Variants in AQP7B observed in about 807,000 individuals in gnomAD.
AQP7B encodes the protein aquaporin 7B.
At chr2:94,592,099 C>G in the AQP7B span, among the ~76,000 whole-genome samples, 1 of 152,122 alleles carries the variant, frequency 6.6e-6, no homozygotes, top group Non-Finnish European at 1.5e-5. Flanking sequence ...GAGGAAGGAG[C>G]CAGGCTTCCA....
chr2:94,594,205 G>T, the AQP7B span, among the ~76,000 whole-genome samples: 1 of 152,062 alleles, frequency 6.6e-6, no homozygotes, highest in Non-Finnish European at 1.5e-5. Context: ...CTTCATTTTT[G>T]ACAGAACCTG....
At chr2:94,604,504 C>A in the AQP7B span, 3 of 1,610,660 alleles carry the variant, frequency 1.9e-6, no homozygotes, top group East Asian at 2.2e-5. Flanking sequence ...TCTCCGTGAG[C>A]CTTGCCAACA....
chr2:94,603,937 C>T, the AQP7B span: 1 of 1,247,220 alleles, frequency 8.0e-7, no homozygotes. Flanking sequence ...CAGGTACTGC[C>T]CCTGCCCAGG....
At chr2:94,603,874 G>T in the AQP7B span, 2 of 1,391,306 alleles carry the variant, frequency 1.4e-6, no homozygotes, top group Non-Finnish European at 2.0e-6. Flanking sequence ...TCCATCCCGG[G>T]ACCCGCCCCC....
the AQP7B span, among the ~76,000 whole-genome samples, chr2:94,600,235 C>T: frequency 1.2e-4 from 19 of 152,102 alleles, no homozygotes; most frequent in Non-Finnish European, 2.5e-4. Context: ...GACTTCGGCC[C>T]TTATGTCTAC....
the AQP7B span, among the ~76,000 whole-genome samples, chr2:94,596,962 A>T: frequency 3.2e-4 from 48 of 152,258 alleles, no homozygotes; most frequent in South Asian, 6.2e-4. Flanking sequence ...GGCCTCCCAA[A>T]GTGCTGGGAT....
the AQP7B span, among the ~76,000 whole-genome samples, chr2:94,597,883 G>C: frequency 2.8e-4 from 42 of 152,206 alleles, no homozygotes; most frequent in Non-Finnish European, 3.8e-4. Flanking sequence ...GGGATTACAG[G>C]CATGAGTCAC....
the AQP7B span, among the ~76,000 whole-genome samples, chr2:94,598,351 G>T: frequency 1.2e-4 from 18 of 152,220 alleles, no homozygotes; most frequent in African/African-American, 3.9e-4. Flanking sequence ...AGCTTCCAGG[G>T]GTGTTGCCCT....
chr2:94,588,310 G>T, the AQP7B span, among the ~76,000 whole-genome samples: 2 of 151,902 alleles, frequency 1.3e-5, no homozygotes, highest in Non-Finnish European at 2.9e-5. Context: ...CATGGGTGGG[G>T]TGGGGCTCCA....
At chr2:94,598,692 C>A in the AQP7B span, among the ~76,000 whole-genome samples, 1 of 152,224 alleles carries the variant, frequency 6.6e-6, no homozygotes, top group Non-Finnish European at 1.5e-5. Flanking sequence ...TTCTTCAAAA[C>A]CAAGTTATCT....
At chr2:94,590,050 C>T in the AQP7B span, among the ~76,000 whole-genome samples, 1 of 152,246 alleles carries the variant, frequency 6.6e-6, no homozygotes, top group Admixed American at 6.5e-5. Flanking sequence ...CCTGAGCTCC[C>T]CCAGTCCCAG....
At chr2:94,593,732 C>A in the AQP7B span, among the ~76,000 whole-genome samples, 1 of 151,940 alleles carries the variant, frequency 6.6e-6, no homozygotes, top group Non-Finnish European at 1.5e-5. Context: ...GTGATCTGCC[C>A]ACCTTGGCCT....
At chr2:94,603,549 G>C in the AQP7B span, 24 of 1,559,436 alleles carry the variant, frequency 1.5e-5, no homozygotes, top group Non-Finnish European at 2.1e-5. Context: ...CCACCCCTCA[G>C]GACAGAGCCA....
At chr2:94,592,012 G>C in the AQP7B span, among the ~76,000 whole-genome samples, 1 of 152,162 alleles carries the variant, frequency 6.6e-6, no homozygotes, top group Non-Finnish European at 1.5e-5. Flanking sequence ...AGGCATAGTG[G>C]ATTCAAGAAA....
the AQP7B span, among the ~76,000 whole-genome samples, chr2:94,594,139 C>T: frequency 6.6e-6 from 1 of 152,242 alleles, no homozygotes; most frequent in Non-Finnish European, 1.5e-5. Context: ...CTCACTCTCT[C>T]ACAAACCTCT....
chr2:94,595,484 G>T, the AQP7B span, among the ~76,000 whole-genome samples: 1 of 152,068 alleles, frequency 6.6e-6, no homozygotes, highest in East Asian at 1.9e-4. Flanking sequence ...AGAGAAACTT[G>T]ATGATTGGGC....
At chr2:94,604,358 T>C in the AQP7B span, 1 of 1,611,296 alleles carries the variant, frequency 6.2e-7, no homozygotes, top group Non-Finnish European at 8.5e-7. Flanking sequence ...TGGCATCATC[T>C]ACCTGGTCTT....
chr2:94,587,874 G>T, the AQP7B span, among the ~76,000 whole-genome samples: 2 of 152,180 alleles, frequency 1.3e-5, no homozygotes, highest in East Asian at 3.9e-4. Context: ...AGCAGTCAGG[G>T]CTGGAGATAA....
chr2:94,592,399 C>T, the AQP7B span, among the ~76,000 whole-genome samples: 8 of 152,172 alleles, frequency 5.3e-5, no homozygotes, highest in Admixed American at 5.2e-4. Flanking sequence ...GTATTCCTTA[C>T]CCCAGAGAAA....
Sources: gnomAD v4.1 joint callset for allele counts (sites outside exome capture counted in the v4.1 genomes callset) on GRCh38, gnomAD v4.1.1 for gene constraint, MANE v1.5 for transcripts, NCBI Gene and HGNC (gene_info 2026-07-23, HGNC 2026-07-21) for gene names.